GRIN2B: variants seen among roughly 807,000 people sequenced by gnomAD.
The protein encoded by GRIN2B is glutamate receptor ionotropic, NMDA 2B.
GRIN2B carries 5 observed loss-of-function variants against 114.5 expected under a neutral mutation model. That is an observed-to-expected ratio of 0.04 (90% CI 0.02 to 0.09). GRIN2B has a LOEUF of 0.09. Ranked by LOEUF, GRIN2B falls within the 10% of genes least tolerant of loss-of-function variation. The pLI, the probability that GRIN2B is intolerant of heterozygous loss-of-function variation, is 1.00. For synonymous variants in GRIN2B, 787 were observed against 745.1 expected (o/e 1.06, Z -0.92); for missense variants, 1,108 against 1,943.5 (o/e 0.57, Z 8.08).
At chr12:13,576,784 C>T (rs1399364106) in intron 10 of GRIN2B, among the ~76,000 whole-genome samples, 1 of 152,172 alleles carries the variant, frequency 6.6e-6, no homozygotes, top group East Asian at 1.9e-4. Context: ...AATTCCTGGC[C>T]TCAAGCGATC....
chr12:13,862,771 T>C (rs184916667), intron 3 of GRIN2B, among the ~76,000 whole-genome samples: 107 of 152,332 alleles, frequency 7.0e-4, no homozygotes, highest in Middle Eastern at 3.4e-3. Context: ...CTCTTTTTAT[T>C]GGCCTTTATG....
At chr12:13,687,928 G>A (rs1423373854) in intron 4 of GRIN2B, among the ~76,000 whole-genome samples, 2 of 152,154 alleles carry the variant, frequency 1.3e-5, no homozygotes, top group Admixed American at 1.3e-4. Context: ...GAAGTTGCTT[G>A]GAAGTCTTAT....
chr12:13,769,945 T>G (rs757151031), intron 3 of GRIN2B, among the ~76,000 whole-genome samples: 35 of 152,224 alleles, frequency 2.3e-4, no homozygotes, highest in Non-Finnish European at 4.3e-4. Flanking sequence ...TGTTAAACTA[T>G]GCGGAAAGTT....
intron 2 of GRIN2B, among the ~76,000 whole-genome samples, chr12:13,961,447 G>GT (rs1287521751): frequency 6.6e-6 from 1 of 152,122 alleles, no homozygotes; most frequent in African/African-American, 2.4e-5. Flanking sequence ...ATTTTTGCCG[G>GT]TAAGTGGTTG....
intron 4 of GRIN2B, among the ~76,000 whole-genome samples, chr12:13,728,600 C>T (rs145367813): frequency 1.3e-5 from 2 of 152,246 alleles, no homozygotes; most frequent in East Asian, 3.9e-4. Flanking sequence ...TGGCAATTCA[C>T]ACCCTCTTTG....
chr12:13,574,108 A>G (rs1948742685), intron 10 of GRIN2B, among the ~76,000 whole-genome samples: 1 of 152,248 alleles, frequency 6.6e-6, no homozygotes, highest in Non-Finnish European at 1.5e-5. Flanking sequence ...CAAATGATGA[A>G]ACCCAAAGAG....
intron 12 of GRIN2B, among the ~76,000 whole-genome samples, chr12:13,567,642 A>G (rs186100980): frequency 6.6e-6 from 1 of 152,290 alleles, no homozygotes; most frequent in Non-Finnish European, 1.5e-5. Flanking sequence ...TGGCATGGCC[A>G]GTGGGTTTTC....
chr12:13,767,588 C>G (rs74065284), intron 3 of GRIN2B, among the ~76,000 whole-genome samples: 64 of 152,244 alleles, frequency 4.2e-4, no homozygotes, highest in Middle Eastern at 3.4e-3. Flanking sequence ...ATGATCTGAG[C>G]TAGAGGTACT....
At chr12:13,883,429 G>A (rs1866099187) in intron 2 of GRIN2B, among the ~76,000 whole-genome samples, 1 of 152,040 alleles carries the variant, frequency 6.6e-6, no homozygotes, top group Admixed American at 6.6e-5. Context: ...TCTTGTGAAT[G>A]TTCTTTTTTT....
chr12:13,804,619 G>T (rs1864571059), intron 3 of GRIN2B, among the ~76,000 whole-genome samples: 1 of 152,092 alleles, frequency 6.6e-6, no homozygotes, highest in South Asian at 2.1e-4. Flanking sequence ...TCTCCAGTGT[G>T]CTTTCTCTGG....
chr12:13,855,757 T>C (rs567986784), intron 3 of GRIN2B, among the ~76,000 whole-genome samples: 1 of 152,174 alleles, frequency 6.6e-6, no homozygotes, highest in Non-Finnish European at 1.5e-5. Context: ...GTTAATTACA[T>C]CTGCAAAGAC....
intron 10 of GRIN2B, among the ~76,000 whole-genome samples, chr12:13,605,309 ATCTCTAATCTAG>A (rs751210089): frequency 2.0e-5 from 3 of 152,050 alleles, no homozygotes; most frequent in Non-Finnish European, 4.4e-5. Context: ...AAATAAAGGG[ATCTCTAATCTAG>A]GTTTTGAAGT....
intron 4 of GRIN2B, among the ~76,000 whole-genome samples, chr12:13,682,555 G>A (rs1226907961): frequency 6.6e-6 from 1 of 152,082 alleles, no homozygotes; most frequent in Non-Finnish European, 1.5e-5. Context: ...TCAAGTTTGG[G>A]CTAGTTCATA....
chr12:13,916,951 C>A (rs1317684504), intron 2 of GRIN2B, among the ~76,000 whole-genome samples: 1 of 151,694 alleles, frequency 6.6e-6, no homozygotes, highest in Admixed American at 6.6e-5. Context: ...TGAGTTGCAA[C>A]TTAAAGAACA....
chr12:13,725,346 A>AT (rs1449797816), intron 4 of GRIN2B, among the ~76,000 whole-genome samples: 1 of 152,110 alleles, frequency 6.6e-6, no homozygotes, highest in African/African-American at 2.4e-5. Flanking sequence ...AAGAGGGAAG[A>AT]GGAGGAGTCA....
Position 13,952,947 on chromosome 12 carries a change from C to T in GRIN2B, c.-19+26981G>A, listed in dbSNP as rs186668466. On this transcript the variant is annotated intron_variant, in intron 2 of 13. Transcript: ENST00000609686. ...AAAATAACAACCAGTGTATTACGCT[C>T]ACAAATTCTGAGGGTTAGGAGTTTG... is the stretch of plus-strand genomic sequence containing the variant. Among the ~76,000 whole-genome samples, 169 of 151,124 alleles carry T rather than the reference C, an allele frequency of 1.1e-3. 1 individual carries two copies. Among genetic ancestry groups the T allele is most frequent in the Admixed American group, 0.01 (152 of 15,090 alleles).
Position 13,563,581 on chromosome 12 carries a change from G to A in GRIN2B, c.3657C>T (p.Pro1219=), listed in dbSNP as rs200345385. ...TCGTGGAGTAGTTGTGCAGCTTGGAGGGACAGCTGCGGCAGAAGTTGCCCC... is the reference window on the plus strand; with the variant it reads ...TCGTGGAGTAGTTGTGCAGCTTGGAAGGACAGCTGCGGCAGAAGTTGCCCC... The part of the protein sequence containing the change: ...RSGGNFCRSC[P]SKLHNYSTTV... The change falls in exon 14 of 14, where the codon CCC becomes CCT. Residue 1219 remains proline, a synonymous_variant. Coordinates refer to ENST00000609686, the MANE Select transcript of GRIN2B (RefSeq NM_000834.5). 3.1e-6 allele frequency: 5 copies of A among 1,613,990 alleles called. No homozygotes were observed. The highest frequency in any genetic ancestry group is 3.4e-6 in the Non-Finnish European group (4 of 1,180,014).
chr12:13,583,147 T>C (rs890244335), intron 10 of GRIN2B, among the ~76,000 whole-genome samples: 3 of 152,158 alleles, frequency 2.0e-5, no homozygotes, highest in African/African-American at 7.2e-5. Flanking sequence ...GTAGCACACA[T>C]TTAAAGGGCA....
chr12:13,621,220 G>C (rs1308506682), intron 5 of GRIN2B, among the ~76,000 whole-genome samples: 1 of 152,154 alleles, frequency 6.6e-6, no homozygotes, highest in Non-Finnish European at 1.5e-5. Flanking sequence ...AATAGAGAAA[G>C]AGAAGCCGGA....
Sources: allele counts gnomAD v4.1 joint callset (sites outside exome capture counted in the v4.1 genomes callset), GRCh38; gene constraint gnomAD v4.1.1; transcripts MANE v1.5; gene names NCBI Gene and HGNC (gene_info 2026-07-23, HGNC 2026-07-21).